FGD3: variants seen among roughly 807,000 people sequenced by gnomAD.
The protein encoded by FGD3 is FYVE, RhoGEF and PH domain containing 3, also known as FYVE, RhoGEF and PH domain-containing protein 3.
In FGD3, 45 loss-of-function variants were observed where a neutral mutation model predicts 71.8. That is an observed-to-expected ratio of 0.63 (90% CI 0.49 to 0.80). The LOEUF (loss-of-function observed/expected upper bound fraction) is 0.80. Ranked by LOEUF, FGD3 falls within the 30% of genes least tolerant of loss-of-function variation. FGD3 has a pLI of 0.00. For synonymous variants in FGD3, 378 were observed against 392.8 expected, an observed-to-expected ratio of 0.96 and a Z score of 0.44; for missense variants, 844 against 951.5, an observed-to-expected ratio of 0.89 and a Z score of 1.49.
At chr9:92,952,757 C>T (rs375530430) in intron 1 of FGD3, among the ~76,000 whole-genome samples, 14 of 151,382 alleles carry the variant, frequency 9.2e-5, no homozygotes, top group African/African-American at 3.2e-4. Context: ...CTTTTTTCCT[C>T]CTTCCTTCAT....
chr9:93,022,715 A>G (rs936137447), intron 14 of FGD3, among the ~76,000 whole-genome samples: 6 of 152,144 alleles, frequency 3.9e-5, no homozygotes, highest in Non-Finnish European at 7.4e-5. Flanking sequence ...GAATCTTCTG[A>G]GCTCCAAGTG....
At chr9:92,949,414 G>A (rs1858912661) in intron 1 of FGD3, among the ~76,000 whole-genome samples, 1 of 152,104 alleles carries the variant, frequency 6.6e-6, no homozygotes, top group Non-Finnish European at 1.5e-5. Context: ...AGTCTGCAGC[G>A]GGGCGTCCGT....
intron 1 of FGD3, among the ~76,000 whole-genome samples, chr9:92,959,471 G>A (rs1219104389): frequency 6.6e-6 from 1 of 151,974 alleles, no homozygotes; most frequent in Non-Finnish European, 1.5e-5. Context: ...ACTTTGCAGG[G>A]CTGAGGTAGA....
chr9:92,956,042 A>C (rs1859045082), intron 1 of FGD3, among the ~76,000 whole-genome samples: 1 of 152,206 alleles, frequency 6.6e-6, no homozygotes, highest in African/African-American at 2.4e-5. Context: ...CATTGCCAGT[A>C]TATACAAATT....
intron 1 of FGD3, among the ~76,000 whole-genome samples, chr9:92,968,016 C>T (rs1859393858): frequency 2.0e-5 from 3 of 152,186 alleles, no homozygotes; most frequent in Non-Finnish European, 4.4e-5. Flanking sequence ...TGTACAAGTA[C>T]CTGTTTAAGA....
chr9:93,016,927 G>C (rs1299130031), intron 10 of FGD3, among the ~76,000 whole-genome samples: 1 of 152,188 alleles, frequency 6.6e-6, no homozygotes, highest in African/African-American at 2.4e-5. Context: ...AGCCATGACC[G>C]ATTTTTTGTA....
At chr9:93,032,923 C>T (rs756039612) in intron 16 of FGD3, 50 bp downstream of exon 16, 14 of 1,516,854 alleles carry the variant, frequency 9.2e-6, no homozygotes, top group South Asian at 9.0e-5. Flanking sequence ...GCAGAGCCTC[C>T]AGACACCTGC....
chr9:92,997,234 CTTCT>C (rs1282805009), intron 3 of FGD3, among the ~76,000 whole-genome samples: 2 of 152,144 alleles, frequency 1.3e-5, no homozygotes, highest in Non-Finnish European at 1.5e-5. Flanking sequence ...ATGCAATGGC[CTTCT>C]TTGTCTCTTT....
chr9:93,001,933 A>G lies in FGD3; in HGVS notation c.454-992A>G, dbSNP rs547442441. Among the ~76,000 whole-genome samples, 5 of 152,324 alleles carry G rather than the reference A, an allele frequency of 3.3e-5. No individual in the cohort carries two copies. The East Asian group carries it at 9.6e-4, about 29-fold the overall frequency. ...TGGGTTTGCTCTCTGCTCTTCCACC[A>G]TGTGAAGACACAGCCTTCATCTCCC... On this transcript the variant is annotated intron_variant, in intron 3 of 17. Transcript: ENST00000375482.
chr9:93,026,569 G>T (rs545455560), intron 14 of FGD3, among the ~76,000 whole-genome samples: 2 of 152,198 alleles, frequency 1.3e-5, no homozygotes, highest in South Asian at 4.1e-4. Flanking sequence ...GCTCAGCTCA[G>T]TTCCATAGCT....
chr9:93,026,015 C>G (rs897035494), intron 14 of FGD3, among the ~76,000 whole-genome samples: 3 of 152,224 alleles, frequency 2.0e-5, no homozygotes, highest in Admixed American at 1.3e-4. Context: ...AGCCTGTGTC[C>G]CCTGCTGGGT....
At chr9:92,952,057 T>A (rs1858963597) in intron 1 of FGD3, among the ~76,000 whole-genome samples, 1 of 152,088 alleles carries the variant, frequency 6.6e-6, no homozygotes, top group South Asian at 2.1e-4. Context: ...CTATGCTGCA[T>A]AAGGAATAAT....
chr9:93,006,009 C>A lies in FGD3; in HGVS notation c.681-15C>A. 1 of 1,584,424 alleles carries A rather than the reference C, an allele frequency of 6.3e-7. No homozygotes were observed. The highest frequency in any genetic ancestry group is 1.1e-5 in the South Asian group (1 of 87,270). On this transcript the variant is annotated splice_polypyrimidine_tract_variant and intron_variant, in intron 5 of 17. Coordinates refer to ENST00000375482, the MANE Select transcript of FGD3 (RefSeq NM_001083536.2). ...GCACCCAGCTATTTCTCTGATGATTCATTTCTCCACGAAGGGACACAAACC... is the reference window on the plus strand; with the variant it reads ...GCACCCAGCTATTTCTCTGATGATTAATTTCTCCACGAAGGGACACAAACC...
Position 93,014,051 on chromosome 9 carries a change from C to T in FGD3, c.1182+53C>T, listed in dbSNP as rs1587856931. On this transcript the variant is annotated intron_variant, in intron 9 of 17. Transcript: ENST00000375482. ...GCAGAGCCTCCCTTGCCATTTGCCTCAAGCCCAGGGCAGTGCCAGGAGGGC... is the reference window on the plus strand; with the variant it reads ...GCAGAGCCTCCCTTGCCATTTGCCTTAAGCCCAGGGCAGTGCCAGGAGGGC... 1.9e-6 allele frequency: 3 copies of T among 1,563,734 alleles called. No homozygotes were observed. In the East Asian group the frequency reaches 6.9e-5, roughly 36 times the overall value.
intron 14 of FGD3, among the ~76,000 whole-genome samples, chr9:93,028,199 C>CACAA (rs1862197345): frequency 1.2e-5 from 1 of 81,456 alleles, no homozygotes; most frequent in African/African-American, 5.7e-5. Context: ...CTAGCCCCGA[C>CACAA]ACACACACAC....
At chr9:93,023,530 A>C (rs1220729515) in intron 14 of FGD3, among the ~76,000 whole-genome samples, 1 of 152,168 alleles carries the variant, frequency 6.6e-6, no homozygotes, top group Non-Finnish European at 1.5e-5. Flanking sequence ...GAAACGAGGA[A>C]GTCTGACACG....
intron 3 of FGD3, among the ~76,000 whole-genome samples, chr9:92,978,848 C>A (rs1176095647): frequency 7.0e-6 from 1 of 142,800 alleles, no homozygotes; most frequent in Non-Finnish European, 1.5e-5. Context: ...TGCCCAGGCT[C>A]ATCTCAAACT....
At chr9:92,974,131 G>A (rs1254024166) in intron 1 of FGD3, among the ~76,000 whole-genome samples, 1 of 152,076 alleles carries the variant, frequency 6.6e-6, no homozygotes, top group African/African-American at 2.4e-5. Flanking sequence ...GAGTAAATCT[G>A]GTTTCTATTA....
chr9:93,027,212 G>A (rs778172473), intron 14 of FGD3, among the ~76,000 whole-genome samples: 2 of 152,236 alleles, frequency 1.3e-5, no homozygotes, highest in African/African-American at 4.8e-5. Flanking sequence ...GTGCTGGGGG[G>A]ACCTGCAGGT....
Sources: allele counts gnomAD v4.1 joint callset (sites outside exome capture counted in the v4.1 genomes callset), GRCh38; gene constraint gnomAD v4.1.1; transcripts MANE v1.5; gene names NCBI Gene and HGNC (gene_info 2026-07-23, HGNC 2026-07-21).